The following RELL1 variants were observed in gnomAD, a reference collection of about 807,000 sequenced individuals.
RELL1 encodes RELT like 1.
A neutral mutation model predicts 23.0 loss-of-function variants in RELL1; 10 were observed. That is an observed-to-expected ratio of 0.43 (90% CI 0.27 to 0.74). The LOEUF is 0.74. Ranked by LOEUF, RELL1 falls within the 30% of genes least tolerant of loss-of-function variation. RELL1 has a pLI of 0.19. For synonymous variants in RELL1, 146 were observed against 146.8 expected, an observed-to-expected ratio of 0.99 and a Z score of 0.04; for missense variants, 315 against 364.4, an observed-to-expected ratio of 0.86 and a Z score of 1.10.
chr4:37,614,627 GA>G (rs887224289), intron 6 of RELL1, among the ~76,000 whole-genome samples: 12 of 150,698 alleles, frequency 8.0e-5, no homozygotes, highest in African/African-American at 2.9e-4. Flanking sequence ...AGCAGAGGGG[GA>G]AAAAAGGTAG....
intron 1 of RELL1, among the ~76,000 whole-genome samples, chr4:37,681,812 C>A (rs1722237354): frequency 6.6e-6 from 1 of 152,208 alleles, no homozygotes. Context: ...CAGGCGTGAG[C>A]CACTGCACCC....
chr4:37,673,755 G>A (rs1407012170), intron 1 of RELL1, among the ~76,000 whole-genome samples: 7 of 152,092 alleles, frequency 4.6e-5, no homozygotes, highest in Non-Finnish European at 7.4e-5. Context: ...TCTCCTTTCG[G>A]CTCAGCCTCT....
intron 6 of RELL1, among the ~76,000 whole-genome samples, chr4:37,602,248 C>T (rs1481232273): frequency 6.7e-6 from 1 of 148,350 alleles, no homozygotes; most frequent in African/African-American, 2.5e-5. Flanking sequence ...AAGCAACCAG[C>T]ACTGCCTGTC....
chr4:37,635,587 C>T (rs907770040), intron 4 of RELL1, among the ~76,000 whole-genome samples: 2 of 152,100 alleles, frequency 1.3e-5, no homozygotes, highest in African/African-American at 4.8e-5. Flanking sequence ...GATTGTACCA[C>T]CGAACTCCAG....
At chr4:37,642,564 G>T (rs1368324870) in intron 3 of RELL1, among the ~76,000 whole-genome samples, 1 of 152,248 alleles carries the variant, frequency 6.6e-6, no homozygotes, top group Non-Finnish European at 1.5e-5. Flanking sequence ...CTGGGTTCCT[G>T]TCACAGAGTT....
intron 6 of RELL1, among the ~76,000 whole-genome samples, chr4:37,614,017 G>A (rs1441746901): frequency 1.3e-5 from 2 of 152,188 alleles, no homozygotes; most frequent in African/African-American, 2.4e-5. Flanking sequence ...ATACCATGCA[G>A]GTGAACCCAC....
intron 1 of RELL1, chr4:37,665,120 A>G (rs1721487456): frequency 2.6e-6 from 1 of 389,670 alleles, no homozygotes; most frequent in Non-Finnish European, 5.1e-6. Context: ...TGGGTAATCA[A>G]TCAAGTCCCC....
chr4:37,672,255 C>A (rs542490987), intron 1 of RELL1, among the ~76,000 whole-genome samples: 1 of 152,054 alleles, frequency 6.6e-6, no homozygotes, highest in East Asian at 1.9e-4. Flanking sequence ...GCAACTAGTC[C>A]CCATCCCGTA....
At chr4:37,657,406 G>C (rs1190045727) in intron 1 of RELL1, among the ~76,000 whole-genome samples, 1 of 152,150 alleles carries the variant, frequency 6.6e-6, no homozygotes, top group Non-Finnish European at 1.5e-5. Flanking sequence ...GTGAAGGGAA[G>C]AAATTTTTGT....
intron 3 of RELL1, among the ~76,000 whole-genome samples, chr4:37,639,153 G>A (rs1319255007): frequency 6.6e-6 from 1 of 152,104 alleles, no homozygotes; most frequent in Non-Finnish European, 1.5e-5. Flanking sequence ...GGGAAGCCGA[G>A]GTGGACAGAT....
intron 1 of RELL1, among the ~76,000 whole-genome samples, chr4:37,673,195 T>C (rs1036949731): frequency 8.9e-6 from 1 of 112,204 alleles, no homozygotes; most frequent in African/African-American, 3.3e-5. Context: ...TCTTTTTTTT[T>C]TTTTTTTTTT....
At chr4:37,654,638 G>A (rs1721061787) in intron 1 of RELL1, among the ~76,000 whole-genome samples, 1 of 152,116 alleles carries the variant, frequency 6.6e-6, no homozygotes, top group African/African-American at 2.4e-5. Flanking sequence ...AGTCCAAATA[G>A]CAAAGGTTGT....
downstream of RELL1, among the ~76,000 whole-genome samples, chr4:37,605,804 AAAG>A (rs1719184824): frequency 9.3e-6 from 1 of 107,682 alleles, no homozygotes; most frequent in Non-Finnish European, 2.2e-5. Flanking sequence ...AGAAAGAAAG[AAAG>A]AAAGAAAGAA....
At chr4:37,595,996 A>T (rs1040833241) in intron 6 of RELL1, among the ~76,000 whole-genome samples, 3 of 152,098 alleles carry the variant, frequency 2.0e-5, no homozygotes, top group African/African-American at 7.2e-5. Context: ...GTGATGGGGG[A>T]AAAAAGGTGC....
At chr4:37,669,994 G>T (rs1300647402) in intron 1 of RELL1, among the ~76,000 whole-genome samples, 2 of 147,170 alleles carry the variant, frequency 1.4e-5, no homozygotes, top group African/African-American at 5.1e-5. Context: ...CTGTGACCCT[G>T]CCAAATCCCC....
downstream of RELL1, chr4:37,590,221 C>T (rs36072565): frequency 2.7e-4 from 429 of 1,614,166 alleles, 3 homozygotes; most frequent in African/African-American, 5.3e-3. Flanking sequence ...GAAAAATGAC[C>T]CTCAGAGGCA....
intron 1 of RELL1, among the ~76,000 whole-genome samples, chr4:37,670,807 C>T (rs1449748873): frequency 1.3e-5 from 2 of 152,132 alleles, no homozygotes; most frequent in African/African-American, 4.8e-5. Flanking sequence ...CTCCTGACCT[C>T]GTGATCTGCC....
At chr4:37,681,661 T>G in intron 1 of RELL1, among the ~76,000 whole-genome samples, 1 of 151,772 alleles carries the variant, frequency 6.6e-6, no homozygotes, top group East Asian at 1.9e-4. Context: ...CCCCAGTAGC[T>G]GGGACTACAG....
rs974840552 is a variant in RELL1 at position 37,612,254 on chromosome 4, G to A, written c.*1092C>T. 6.8e-6 allele frequency among the ~76,000 whole-genome samples: 1 copy of A among 147,812 alleles called. No individual in the cohort carries two copies. Among genetic ancestry groups the A allele is most frequent in the Non-Finnish European group, 1.5e-5 (1 of 67,220 alleles). ...CCTTGGGTTGTCCAAACAAATTTGT[G>A]TGTGTGTGACTTTCAACCATTTTCT... is the stretch of plus-strand genomic sequence containing the variant. On this transcript the variant is annotated 3_prime_UTR_variant, in exon 7 of 7. Coordinates refer to ENST00000454158, the MANE Select transcript of RELL1 (RefSeq NM_001085400.2).
Sources: gnomAD v4.1 joint callset for allele counts (sites outside exome capture counted in the v4.1 genomes callset) on GRCh38, gnomAD v4.1.1 for gene constraint, MANE v1.5 for transcripts, NCBI Gene and HGNC (gene_info 2026-07-23, HGNC 2026-07-21) for gene names.